Variants in GTF2F2 observed in about 807,000 individuals in gnomAD.
GTF2F2 encodes ATP-dependent helicase GTF2F2.
In GTF2F2, 23 loss-of-function variants were observed where a neutral mutation model predicts 42.2. The ratio of observed to expected loss-of-function variants is 0.55; its 90% CI spans 0.39 to 0.77. The LOEUF (loss-of-function observed/expected upper bound fraction) is 0.77. Among genes scored for constraint, GTF2F2 ranks in the 30% least tolerant of loss-of-function variants. GTF2F2 has a pLI of 0.00. For missense variants in GTF2F2, 261 were observed against 287.2 expected (o/e 0.91, Z 0.66); for synonymous variants, 105 against 100.8 (o/e 1.04, Z -0.25).
intron 5 of GTF2F2, among the ~76,000 whole-genome samples, chr13:45,214,656 A>G (rs1873818631): frequency 6.6e-6 from 1 of 152,194 alleles, no homozygotes; most frequent in African/African-American, 2.4e-5. Flanking sequence ...GTAAATATAA[A>G]TATACTTAAT....
In GTF2F2 at chr13:45,272,843, A is replaced by G. The variant is rs546682160; in HGVS notation, c.630+5467A>G. 8.6e-5 allele frequency among the ~76,000 whole-genome samples: 13 copies of G among 150,734 alleles called. No individual in the cohort carries two copies. The South Asian group carries it at 1.9e-3, about 22-fold the overall frequency. On this transcript the variant is annotated intron_variant, in intron 7 of 7. Coordinates refer to ENST00000340473, the MANE Select transcript of GTF2F2 (RefSeq NM_004128.3). ...ATGATCATAGCTCGCTGTCACTTCA[A>G]TCTTTGGACCCAAGCAGTTCTCCCA... is the stretch of plus-strand genomic sequence containing the variant.
At chr13:45,134,672 T>C (rs374902421) in intron 1 of GTF2F2, among the ~76,000 whole-genome samples, 1 of 152,170 alleles carries the variant, frequency 6.6e-6, no homozygotes, top group Non-Finnish European at 1.5e-5. Context: ...TGTTGAGATA[T>C]GGAATCTTCA....
At chr13:45,274,081 A>G (rs995686317) in intron 7 of GTF2F2, among the ~76,000 whole-genome samples, 1 of 152,152 alleles carries the variant, frequency 6.6e-6, no homozygotes, top group Non-Finnish European at 1.5e-5. Flanking sequence ...TTGTACTGCC[A>G]GCACTGGCCT....
chr13:45,246,868 T>C (rs1243395779), intron 5 of GTF2F2, among the ~76,000 whole-genome samples: 1 of 151,494 alleles, frequency 6.6e-6, no homozygotes, highest in African/African-American at 2.4e-5. Context: ...AAACCCCGTC[T>C]CTACTAAAAA....
chr13:45,273,663 T>C (rs1876898239), intron 7 of GTF2F2, among the ~76,000 whole-genome samples: 1 of 145,782 alleles, frequency 6.9e-6, no homozygotes, highest in Admixed American at 6.8e-5. Flanking sequence ...AAATTTTTTT[T>C]TTTTTTTTTG....
rs372901327 is a variant in GTF2F2 at position 45,228,283 on chromosome 13, C to CTTTTTTTTTTTTTTTTTTTTTTT, written c.386+20794_386+20795insTTTTTTTTTTTTTTTTTTTTTTT. 7.4e-4 allele frequency among the ~76,000 whole-genome samples: 69 copies of CTTTTTTTTTTTTTTTTTTTTTTT among 92,708 alleles called. 5 individuals are homozygous for CTTTTTTTTTTTTTTTTTTTTTTT. Among genetic ancestry groups the CTTTTTTTTTTTTTTTTTTTTTTT allele is most frequent in the African/African-American group, 2.7e-3 (47 of 17,636 alleles). 60.8% of individuals were successfully genotyped at this position (92,708 alleles called of 152,430 possible). On this transcript the variant is annotated intron_variant, in intron 5 of 7. Transcript: ENST00000340473. ...TTTCCTTATTGCTGCCAGAGTTAATCTTTTTTTTTTTTTTTTGGAGACGGA... is the reference window on the plus strand; with the variant it reads ...TTTCCTTATTGCTGCCAGAGTTAATCTTTTTTTTTTTTTTTTTTTTTTTTTTTTTTTTTTTTTTTGGAGACGGA...
At chr13:45,263,293 T>A (rs1876421367) in intron 6 of GTF2F2, among the ~76,000 whole-genome samples, 1 of 151,958 alleles carries the variant, frequency 6.6e-6, no homozygotes, top group Non-Finnish European at 1.5e-5. Flanking sequence ...AGTGGCGCGA[T>A]CTCGGCTCAC....
intron 4 of GTF2F2, among the ~76,000 whole-genome samples, chr13:45,195,150 G>A (rs2138174727): frequency 6.6e-6 from 1 of 152,226 alleles, no homozygotes; most frequent in East Asian, 1.9e-4. Context: ...ACACAAATAA[G>A]AATACTTAAC....
chr13:45,261,245 T>G (rs1401771103), intron 6 of GTF2F2, among the ~76,000 whole-genome samples: 1 of 151,736 alleles, frequency 6.6e-6, no homozygotes, highest in Non-Finnish European at 1.5e-5. Flanking sequence ...GCTAACACGG[T>G]GAAACCCTTT....
chr13:45,173,225 C>T (rs527277666), intron 4 of GTF2F2, among the ~76,000 whole-genome samples: 10 of 151,640 alleles, frequency 6.6e-5, no homozygotes, highest in South Asian at 2.1e-4. Flanking sequence ...AAAATAATAC[C>T]GAGAGATTGG....
intron 3 of GTF2F2, 95 bp downstream of exon 3, chr13:45,149,883 A>G: frequency 5.0e-6 from 6 of 1,205,164 alleles, no homozygotes; most frequent in Non-Finnish European, 6.8e-6. Flanking sequence ...GGAAAACTCC[A>G]CATCAAGTGC....
chr13:45,245,700 T>TATATATAC (rs1372154058), intron 5 of GTF2F2, among the ~76,000 whole-genome samples: 7 of 65,490 alleles, frequency 1.1e-4, no homozygotes, highest in African/African-American at 7.4e-4. Flanking sequence ...TATATATATA[T>TATATATAC]ACATATACAT....
At chr13:45,127,674 C>G (rs1361585599) in intron 1 of GTF2F2, among the ~76,000 whole-genome samples, 1 of 152,014 alleles carries the variant, frequency 6.6e-6, no homozygotes, top group African/African-American at 2.4e-5. Context: ...TCTTGTCGCC[C>G]AGGCTGGGCG....
chr13:45,180,932 C>G (rs1872124321), intron 4 of GTF2F2, among the ~76,000 whole-genome samples: 1 of 151,336 alleles, frequency 6.6e-6, no homozygotes, highest in Non-Finnish European at 1.5e-5. Flanking sequence ...GAGACCAAAG[C>G]AGGAGGATCA....
chr13:45,208,619 G>A (rs1409356098), intron 5 of GTF2F2, among the ~76,000 whole-genome samples: 3 of 152,134 alleles, frequency 2.0e-5, no homozygotes, highest in Admixed American at 2.0e-4. Flanking sequence ...AGTGGTAGTG[G>A]CCTGTTGGAT....
chr13:45,236,993 AT>A (rs1445352292), intron 5 of GTF2F2, among the ~76,000 whole-genome samples: 1 of 152,150 alleles, frequency 6.6e-6, no homozygotes, highest in Non-Finnish European at 1.5e-5. Flanking sequence ...CAATGAAATG[AT>A]TTTTTTCTAC....
intron 5 of GTF2F2, among the ~76,000 whole-genome samples, chr13:45,218,907 C>G (rs900913696): frequency 3.9e-5 from 6 of 152,176 alleles, no homozygotes; most frequent in Non-Finnish European, 5.9e-5. Flanking sequence ...TACATTCTAT[C>G]TGTCTTGCTT....
intron 4 of GTF2F2, among the ~76,000 whole-genome samples, chr13:45,191,255 A>ATATATATATATATAGCC (rs1260872563): frequency 7.3e-6 from 1 of 136,528 alleles, no homozygotes; most frequent in African/African-American, 3.0e-5. Flanking sequence ...ATATATATAT[A>ATATATATATATATAGCC]GCCATAATCT....
rs1009505000 is a variant in GTF2F2 at position 45,120,760 on chromosome 13, A to G, written c.66+39A>G. On this transcript the variant is annotated intron_variant, in intron 1 of 7. Transcript: ENST00000340473. ...GTCTCCCACTTGCGCTCCTCCTAAC[A>G]CAAGTATAGTTTAAGTAACTTGAGC... is the stretch of plus-strand genomic sequence containing the variant. 1.5e-5 allele frequency: 21 copies of G among 1,428,870 alleles called. No individual in the cohort carries two copies. The African/African-American group carries it at 2.1e-4, about 14-fold the overall frequency. The allele number at this position is 1,428,870 out of a possible 1,614,324, so 88.5% of individuals were successfully genotyped here.
Sources: allele counts gnomAD v4.1 joint callset (sites outside exome capture counted in the v4.1 genomes callset), GRCh38; gene constraint gnomAD v4.1.1; transcripts MANE v1.5; gene names NCBI Gene and HGNC (gene_info 2026-07-23, HGNC 2026-07-21).